Variants in NETO2 observed in about 807,000 individuals in gnomAD.
NETO2 encodes the protein neuropilin and tolloid-like protein 2.
NETO2 carries 28 observed loss-of-function variants against 62.5 expected under a neutral mutation model. That is an observed-to-expected ratio of 0.45 (90% confidence interval 0.33 to 0.61). NETO2 has a LOEUF of 0.61. NETO2 is among the 20% of genes least tolerant of loss of function. NETO2 has a pLI of 0.02. For missense variants in NETO2, 548 were observed against 643.2 expected (o/e 0.85, Z 1.60); for synonymous variants, 214 against 219.1 (o/e 0.98, Z 0.21).
chr16:47,120,206 C>A lies in NETO2; in HGVS notation c.654+2451G>T, dbSNP rs75628593. Among the ~76,000 whole-genome samples the A allele has an allele frequency of 3.1e-3, 478 of 152,244 alleles. 2 individuals are homozygous for A. Among genetic ancestry groups the A allele is most frequent in the Non-Finnish European group, 4.8e-3 (326 of 67,992 alleles). ...CATTCTTGATTTGTTTTAATAGTTACATCAGCTCTTTTTTGACATTTGTCT... is the reference window on the plus strand; with the variant it reads ...CATTCTTGATTTGTTTTAATAGTTAAATCAGCTCTTTTTTGACATTTGTCT... On this transcript the variant is annotated intron_variant, in intron 6 of 8. Transcript: ENST00000562435.
intron 7 of NETO2, among the ~76,000 whole-genome samples, chr16:47,099,213 G>C (rs1433913114): frequency 6.6e-6 from 1 of 152,126 alleles, no homozygotes; most frequent in African/African-American, 2.4e-5. Flanking sequence ...GCCAAACTAA[G>C]CTTCGTAAGT....
At position 47,131,955 on chromosome 16, in the gene NETO2, TG is replaced by T. The variant is rs768865462; in HGVS notation, c.91+13del. 6.4e-5 allele frequency: 103 copies of T among 1,603,444 alleles called. No homozygotes were observed. In the South Asian group the frequency reaches 1.1e-3, roughly 17 times the overall value. On this transcript the variant is annotated intron_variant, in intron 2 of 8. Coordinates refer to ENST00000562435, the MANE Select transcript of NETO2 (RefSeq NM_018092.5). ...TCTTAAACATGCAGTAAGTCACCAA[TG>T]TAAGTACTTTACCTTGGGTTTTTTG...
chr16:47,080,591 T>C lies in NETO2; in HGVS notation c.*2630A>G, dbSNP rs1385794441. ...TCCATTCTTACCTCTTCCAAAAGCA[T>C]AGAGAAGTTTAATAAATAAATGAGA... On this transcript the variant is annotated 3_prime_UTR_variant, in exon 9 of 9. Coordinates refer to ENST00000562435, the MANE Select transcript of NETO2 (RefSeq NM_018092.5). 2 of 152,234 alleles carry C rather than the reference T, an allele frequency of 1.3e-5. No individual in the cohort carries two copies. Among genetic ancestry groups the C allele is most frequent in the African/African-American group, 4.8e-5 (2 of 41,458 alleles). 9.4% of individuals were successfully genotyped at this position (152,234 alleles called of 1,614,324 possible).
chr16:47,097,554 G>T (rs1322052488), intron 7 of NETO2, among the ~76,000 whole-genome samples: 1 of 152,164 alleles, frequency 6.6e-6, no homozygotes, highest in African/African-American at 2.4e-5. Flanking sequence ...TCCCATCTCC[G>T]TGGGACAGAG....
chr16:47,114,135 C>T (rs1362892923), intron 6 of NETO2, among the ~76,000 whole-genome samples: 2 of 152,264 alleles, frequency 1.3e-5, no homozygotes, highest in East Asian at 3.9e-4. Context: ...GTTTCAGCTG[C>T]TCTACATAGT....
intron 2 of NETO2, among the ~76,000 whole-genome samples, chr16:47,130,727 T>G (rs906622681): frequency 2.0e-5 from 3 of 152,156 alleles, no homozygotes; most frequent in Non-Finnish European, 4.4e-5. Flanking sequence ...GGGCCAAACA[T>G]GACCTGGAGC....
chr16:47,090,472 A>C (rs1442643022), intron 7 of NETO2, among the ~76,000 whole-genome samples: 1 of 152,226 alleles, frequency 6.6e-6, no homozygotes, highest in Non-Finnish European at 1.5e-5. Flanking sequence ...TATATAAAAA[A>C]AGACAGCAAA....
intron 4 of NETO2, among the ~76,000 whole-genome samples, chr16:47,127,858 A>G (rs1019363866): frequency 6.6e-6 from 1 of 152,248 alleles, no homozygotes; most frequent in Non-Finnish European, 1.5e-5. Flanking sequence ...ATTCAAACCC[A>G]GATCTTTGAC....
intron 7 of NETO2, among the ~76,000 whole-genome samples, chr16:47,104,185 T>C (rs762156217): frequency 3.3e-5 from 5 of 151,840 alleles, no homozygotes; most frequent in Non-Finnish European, 7.4e-5. Context: ...GTCAACAAAG[T>C]TGCAGGATGC....
intron 7 of NETO2, among the ~76,000 whole-genome samples, chr16:47,102,739 G>A (rs147404614): frequency 4.1e-4 from 63 of 152,242 alleles, no homozygotes; most frequent in African/African-American, 1.5e-3. Context: ...AAACCACAAT[G>A]AGCTACCATC....
intron 7 of NETO2, among the ~76,000 whole-genome samples, chr16:47,101,753 C>A (rs1963550664): frequency 6.6e-6 from 1 of 152,134 alleles, no homozygotes; most frequent in Non-Finnish European, 1.5e-5. Flanking sequence ...TCAAGGAGAA[C>A]TACAAACCAC....
intron 6 of NETO2, among the ~76,000 whole-genome samples, chr16:47,121,061 C>T (rs142270390): frequency 6.1e-4 from 93 of 152,268 alleles, no homozygotes; most frequent in African/African-American, 1.6e-3. Context: ...CCTCTTCCAG[C>T]GATACACTCT....
chr16:47,137,745 A>C (rs990002007), intron 1 of NETO2, among the ~76,000 whole-genome samples: 2 of 152,108 alleles, frequency 1.3e-5, no homozygotes, highest in African/African-American at 4.8e-5. Context: ...ACAGCTCTCC[A>C]TCTGTTTTTT....
At chr16:47,128,687 G>A in intron 3 of NETO2, 114 bp from the exon 4 acceptor site, 1 of 1,123,664 alleles carries the variant, frequency 8.9e-7, no homozygotes. Flanking sequence ...ATAGACAAAG[G>A]TCTTAGTGAG....
intron 4 of NETO2, among the ~76,000 whole-genome samples, chr16:47,126,938 C>T (rs946235049): frequency 5.3e-5 from 8 of 152,128 alleles, no homozygotes; most frequent in African/African-American, 1.9e-4. Flanking sequence ...AACAGGCAAA[C>T]ATCTGTTTTT....
At chr16:47,108,918 A>T (rs1963729772) in intron 7 of NETO2, among the ~76,000 whole-genome samples, 1 of 152,234 alleles carries the variant, frequency 6.6e-6, no homozygotes, top group African/African-American at 2.4e-5. Context: ...TCTATGGCAT[A>T]TCTAAATCTT....
chr16:47,128,568 G>T lies in NETO2; in HGVS notation c.238C>A (p.Pro80Thr), dbSNP rs775634589. Residue 80 changes from proline (P) to threonine (T), a missense_variant, in exon 4 of 9, where the codon CCA (proline) becomes ACA (threonine). By Grantham distance (38) the Pro-to-Thr change is conservative. Coordinates refer to ENST00000562435, the MANE Select transcript of NETO2 (RefSeq NM_018092.5). ...KECIYILEAA[P>T]RQRIELTFDE... ...AAGGTCAACTCTATTCTTTGACGTGGAGCAGCTAGAAAATAAGAGTAAGCA... is the reference window on the plus strand; with the variant it reads ...AAGGTCAACTCTATTCTTTGACGTGTAGCAGCTAGAAAATAAGAGTAAGCA... 8.7e-6 allele frequency: 14 copies of T among 1,610,268 alleles called. No homozygotes were observed. The highest frequency in any genetic ancestry group is 1.2e-5 in the Non-Finnish European group (14 of 1,179,336).
At chr16:47,128,245 A>C in intron 4 of NETO2, 80 bp downstream of exon 4, 10 of 1,489,274 alleles carry the variant, frequency 6.7e-6, no homozygotes, top group Non-Finnish European at 9.0e-6. Flanking sequence ...GACCAAATTA[A>C]TCTCTTTTCT....
At chr16:47,136,841 A>G (rs1037176093) in intron 1 of NETO2, among the ~76,000 whole-genome samples, 20 of 152,158 alleles carry the variant, frequency 1.3e-4, no homozygotes, top group African/African-American at 4.8e-4. Flanking sequence ...CAAAAAATAA[A>G]TACTAGATTG....
Sources: gnomAD v4.1 joint callset for allele counts (sites outside exome capture counted in the v4.1 genomes callset) on GRCh38, gnomAD v4.1.1 for gene constraint, MANE v1.5 for transcripts, NCBI Gene and HGNC (gene_info 2026-07-23, HGNC 2026-07-21) for gene names.